Variants in GPR89B observed in about 807,000 individuals in gnomAD.
The protein encoded by GPR89B is G protein-coupled receptor 89B.
A neutral mutation model predicts 52.4 loss-of-function variants in GPR89B; 25 were observed. The ratio of observed to expected loss-of-function variants is 0.48; its 90% CI spans 0.35 to 0.67. GPR89B has a LOEUF of 0.67. GPR89B is among the 30% of genes least tolerant of loss of function. The pLI is 0.01. For synonymous variants in GPR89B, 52 were observed against 151.2 expected, an observed-to-expected ratio of 0.34 and a Z score of 4.81; for missense variants, 146 against 450.2, an observed-to-expected ratio of 0.32 and a Z score of 6.11.
intron 3 of GPR89B, among the ~76,000 whole-genome samples, chr1:147,942,559 C>T (rs1472086695): frequency 2.0e-5 from 3 of 151,986 alleles, no homozygotes; most frequent in Non-Finnish European, 2.9e-5. Flanking sequence ...TCCAAATGTC[C>T]TCAATTAATG....
the GPR89B span, among the ~76,000 whole-genome samples, chr1:148,017,513 T>G: frequency 6.7e-6 from 1 of 148,958 alleles, no homozygotes; most frequent in East Asian, 2.1e-4. Flanking sequence ...GGTGGGTGGA[T>G]CACGAGGTCA....
intron 12 of GPR89B, among the ~76,000 whole-genome samples, chr1:147,989,652 A>G (rs1285890432): frequency 8.6e-5 from 13 of 152,034 alleles, no homozygotes; most frequent in Middle Eastern, 3.4e-3. Flanking sequence ...TCATTGTTCA[A>G]TTCCCACCTA....
At chr1:147,995,605 T>C (rs1367973073), downstream of GPR89B, 65 of 1,608,972 alleles carry the variant, frequency 4.0e-5, 1 homozygote, top group Non-Finnish European at 5.4e-5. Context: ...CCCGTTCTTT[T>C]GCCATGTGCG....
chr1:148,006,214 G>C, the GPR89B span, among the ~76,000 whole-genome samples: 3 of 146,274 alleles, frequency 2.1e-5, no homozygotes, highest in East Asian at 6.2e-4. Context: ...GCACCAGAAA[G>C]CGCTAAAACA....
chr1:147,953,455 T>TA lies in GPR89B; in HGVS notation c.527dup (p.Tyr176Ter). 3.8e-6 allele frequency: 2 copies of TA among 528,434 alleles called. No homozygotes were observed. Among genetic ancestry groups the TA allele is most frequent in the Non-Finnish European group, 6.6e-6 (2 of 305,336 alleles). 32.7% of individuals were successfully genotyped at this position (528,434 alleles called of 1,614,324 possible). The change falls in exon 6 of 14, where the codon TAC (tyrosine) becomes TAAC (stop). Residue 176 changes from tyrosine to a stop codon, truncating the protein, a stop_gained and frameshift_variant. Coordinates refer to ENST00000314163, the MANE Select transcript of GPR89B (RefSeq NM_016334.5). LOFTEE classifies it high-confidence loss of function. ...CAACTGCCCATACACTTACATGTCT[T>TA]ACTTCCTCAGGTAACAGAGCGCTTT... ...AVNCPYTYMS[Y>*]FLRNVTDTDI...
At chr1:147,999,063 GCTT>G in the GPR89B span, among the ~76,000 whole-genome samples, 1 of 151,712 alleles carries the variant, frequency 6.6e-6, no homozygotes, top group Non-Finnish European at 1.5e-5. Flanking sequence ...ATGAGGGCAG[GCTT>G]CTTTTTCGAT....
intron 12 of GPR89B, among the ~76,000 whole-genome samples, chr1:147,990,214 G>A (rs1394561827): frequency 3.3e-5 from 5 of 152,232 alleles, no homozygotes; most frequent in African/African-American, 4.8e-5. Flanking sequence ...CTGATGGCCA[G>A]TGATGATCAG....
chr1:147,987,334 A>G (rs2149093756), intron 11 of GPR89B, among the ~76,000 whole-genome samples: 1 of 152,074 alleles, frequency 6.6e-6, no homozygotes, highest in Non-Finnish European at 1.5e-5. Flanking sequence ...AGCCTGGGCA[A>G]CATGGTGAAA....
At chr1:147,971,781 G>C (rs1403716778) in intron 10 of GPR89B, among the ~76,000 whole-genome samples, 1 of 151,964 alleles carries the variant, frequency 6.6e-6, no homozygotes, top group African/African-American at 2.4e-5. Flanking sequence ...CACCCAGCCA[G>C]CATGTCATTT....
At chr1:147,997,031 T>A (rs1438683720), downstream of GPR89B, among the ~76,000 whole-genome samples, 1 of 152,082 alleles carries the variant, frequency 6.6e-6, no homozygotes, top group Non-Finnish European at 1.5e-5. Flanking sequence ...GTCTAAAAAA[T>A]TGCTAGTTTC....
chr1:147,991,562 T>C (rs1326425214), intron 12 of GPR89B, among the ~76,000 whole-genome samples: 1 of 152,182 alleles, frequency 6.6e-6, no homozygotes, highest in African/African-American at 2.4e-5. Context: ...TTTTGCCCAT[T>C]CAGTATGATA....
the GPR89B span, among the ~76,000 whole-genome samples, chr1:148,013,742 T>A: frequency 6.6e-6 from 1 of 151,930 alleles, no homozygotes; most frequent in East Asian, 1.9e-4. Flanking sequence ...CCCTCCTGCC[T>A]CAGGGTCTCT....
At chr1:147,990,836 G>C (rs1250558381) in intron 12 of GPR89B, among the ~76,000 whole-genome samples, 4 of 151,320 alleles carry the variant, frequency 2.6e-5, no homozygotes, top group Non-Finnish European at 5.9e-5. Context: ...GTACCATGCT[G>C]TTTTGGTTAC....
chr1:148,008,516 C>T, the GPR89B span, among the ~76,000 whole-genome samples: 6,701 of 152,108 alleles, frequency 0.044, 210 homozygotes, highest in African/African-American at 0.073. Context: ...GTATCACTTG[C>T]CAAATCATGA....
At chr1:148,013,961 C>A in the GPR89B span, among the ~76,000 whole-genome samples, 1 of 151,774 alleles carries the variant, frequency 6.6e-6, no homozygotes, top group East Asian at 1.9e-4. Context: ...AGCCAGGCCT[C>A]AGGAGCAGCC....
At chr1:147,934,837 C>G (rs1653945558) in intron 1 of GPR89B, among the ~76,000 whole-genome samples, 1 of 152,130 alleles carries the variant, frequency 6.6e-6, no homozygotes, top group South Asian at 2.1e-4. Flanking sequence ...ATCCTCAGCA[C>G]TTAGCATAGC....
chr1:147,929,685 G>A (rs1231491519), intron 1 of GPR89B, among the ~76,000 whole-genome samples: 5 of 152,138 alleles, frequency 3.3e-5, no homozygotes, highest in African/African-American at 1.2e-4. Context: ...ACTCGTCTCC[G>A]TAGAGCGGAG....
At chr1:147,944,891 T>A (rs1287862989) in intron 5 of GPR89B, among the ~76,000 whole-genome samples, 2 of 151,910 alleles carry the variant, frequency 1.3e-5, no homozygotes, top group Non-Finnish European at 2.9e-5. Flanking sequence ...GGAACCTTTT[T>A]AAAAATATAT....
In GPR89B at chr1:147,949,902, G is replaced by C. The variant is rs1466437810; in HGVS notation, c.416-3443G>C. On this transcript the variant is annotated intron_variant, in intron 5 of 13. Transcript: ENST00000314163. ...CAGAGGCGCCCCTCACCTCCCGGAC[G>C]GGGCGGCTGGCCGGGCGGGGGGCTG... Among the ~76,000 whole-genome samples the C allele has an allele frequency of 3.9e-5, 5 of 128,486 alleles. No homozygotes were observed. The South Asian group carries it at 1.2e-3, about 32-fold the overall frequency. 84.3% of individuals were successfully genotyped at this position (128,486 alleles called of 152,430 possible).
Sources: gnomAD v4.1 joint callset for allele counts (sites outside exome capture counted in the v4.1 genomes callset) on GRCh38, gnomAD v4.1.1 for gene constraint, MANE v1.5 for transcripts, NCBI Gene and HGNC (gene_info 2026-07-23, HGNC 2026-07-21) for gene names.